The following PALMD variants were observed in gnomAD, a reference collection of about 807,000 sequenced individuals.
The protein encoded by PALMD is paralemmin-like protein.
In PALMD, 42 loss-of-function variants were observed where a neutral mutation model predicts 56.2. The ratio of observed to expected loss-of-function variants is 0.75; its 90% CI spans 0.58 to 0.97. The LOEUF is 0.97. Among genes scored for constraint, PALMD ranks in the 50% least tolerant of loss-of-function variants. PALMD has a pLI of 0.00. For missense variants in PALMD, 660 were observed against 643.8 expected (o/e 1.03, Z -0.27); for synonymous variants, 242 against 222.9 (o/e 1.09, Z -0.76).
At chr1:99,682,173 T>C (rs544839866) in intron 3 of PALMD, among the ~76,000 whole-genome samples, 10 of 152,334 alleles carry the variant, frequency 6.6e-5, no homozygotes, top group Admixed American at 5.2e-4. Flanking sequence ...ATATTGTCCA[T>C]AAATATTTGA....
At chr1:99,691,491 C>A (rs1328804160) in intron 7 of PALMD, among the ~76,000 whole-genome samples, 1 of 152,150 alleles carries the variant, frequency 6.6e-6, no homozygotes, top group East Asian at 1.9e-4. Flanking sequence ...ATCAAAGTAT[C>A]TTATAAACAG....
chr1:99,683,154 GAAAGAAAGAAAGAAAC>G (rs1557674120), intron 3 of PALMD: 36 of 130,500 alleles, frequency 2.8e-4, no homozygotes, highest in Middle Eastern at 4.5e-3. Flanking sequence ...AAGAAAGAAA[GAAAGAAAGAAAGAAAC>G]GAACACCCTA....
intron 5 of PALMD, 51 bp from the exon 6 acceptor site, chr1:99,687,025 C>T (rs1557675163): frequency 2.7e-6 from 4 of 1,508,288 alleles, no homozygotes; most frequent in Admixed American, 1.8e-5. Flanking sequence ...TGAAATTGTT[C>T]CCATTGTAAA....
Position 99,688,891 on chromosome 1 carries a change from G to A in PALMD, c.631G>A (p.Asp211Asn). The A allele has an allele frequency of 6.2e-7, 1 of 1,613,726 alleles. No homozygotes were observed. The highest frequency in any genetic ancestry group is 1.1e-5 in the South Asian group (1 of 91,072). ...DFKGTGIKVYDDGQKSVYAVS... is the reference protein window; with the variant it reads ...DFKGTGIKVYNDGQKSVYAVS... The stretch of plus-strand genomic sequence containing the variant: ...TAAAGGTACAGGAATAAAAGTTTAT[G>A]ATGATGGGCAAAAGTCAGTGTATGC... Residue 211 changes from aspartate to asparagine, a missense_variant, in exon 7 of 8, where the codon GAT (aspartate) becomes AAT (asparagine). Coordinates refer to ENST00000263174, the MANE Select transcript of PALMD (RefSeq NM_017734.5).
At position 99,689,416 on chromosome 1, in the gene PALMD, C is replaced by T; in HGVS notation, c.1156C>T (p.Pro386Ser). 6.2e-7 allele frequency: 1 copy of T among 1,613,750 alleles called. No homozygotes were observed. Among genetic ancestry groups the T allele is most frequent in the Non-Finnish European group, 8.5e-7 (1 of 1,179,830 alleles). ...GAAATCTGAACACCAGAATTCTTCACCCACTTGTCAGGAGGACGAGGAAGA... is the reference window on the plus strand; with the variant it reads ...GAAATCTGAACACCAGAATTCTTCATCCACTTGTCAGGAGGACGAGGAAGA... ...FGKSEHQNSS[P>S]TCQEDEEDVR... Residue 386 changes from proline to serine, a missense_variant, in exon 7 of 8, where the codon CCC (proline) becomes TCC (serine). Transcript: ENST00000263174.
intron 3 of PALMD, chr1:99,669,914 C>T (rs1653047805): frequency 6.6e-6 from 1 of 152,108 alleles, no homozygotes; most frequent in Admixed American, 6.6e-5. Flanking sequence ...TCTTCATAAC[C>T]CGGTGAGGGT....
chr1:99,690,198 C>A (rs1653624148), intron 7 of PALMD: 2 of 365,890 alleles, frequency 5.5e-6, no homozygotes, highest in Admixed American at 9.1e-5. Context: ...AATAACATAT[C>A]TTTTTCCACT....
intron 7 of PALMD, 177 bp downstream of exon 7, chr1:99,690,049 C>A (rs898768027): frequency 3.8e-6 from 2 of 528,960 alleles, no homozygotes; most frequent in Non-Finnish European, 6.5e-6. Context: ...TAAGTCACTT[C>A]AAAAGATAAA....
intron 2 of PALMD, among the ~76,000 whole-genome samples, chr1:99,663,272 T>G (rs1283023190): frequency 6.6e-6 from 1 of 152,176 alleles, no homozygotes; most frequent in Non-Finnish European, 1.5e-5. Context: ...CTGGATTCTG[T>G]TTGCTTCTTT....
chr1:99,683,371 T>C (rs534403809), intron 3 of PALMD: 1 of 152,354 alleles, frequency 6.6e-6, no homozygotes, highest in South Asian at 2.1e-4. Flanking sequence ...GTCTTCTCCA[T>C]ATCACACTTG....
chr1:99,682,880 C>T (rs1653373869), intron 3 of PALMD, among the ~76,000 whole-genome samples: 2 of 151,722 alleles, frequency 1.3e-5, no homozygotes, highest in Non-Finnish European at 1.5e-5. Context: ...GTGGTGCACT[C>T]CTGTAGTCCC....
intron 3 of PALMD, among the ~76,000 whole-genome samples, chr1:99,671,497 G>C (rs531340042): frequency 6.6e-5 from 10 of 152,134 alleles, no homozygotes; most frequent in Non-Finnish European, 1.3e-4. Flanking sequence ...TTAAATACTA[G>C]TCCTTACTAA....
rs374336429 is a variant in PALMD, at chr1:99,646,250, C to G, written c.-68C>G. On this transcript the variant is annotated 5_prime_UTR_variant, in exon 1 of 8. Transcript: ENST00000263174. ...CTTCTGTCACCCCCGCTCCTCTCCCCCAGGAGGCTCCTTGATTTATGGTAG... is the reference window on the plus strand; with the variant it reads ...CTTCTGTCACCCCCGCTCCTCTCCCGCAGGAGGCTCCTTGATTTATGGTAG... 8.1e-4 allele frequency: 1,036 copies of G among 1,280,994 alleles called. 15 individuals carry two copies. The highest frequency in any genetic ancestry group is 2.3e-4 in the Non-Finnish European group (199 of 876,416). 79.4% of individuals were successfully genotyped at this position (1,280,994 alleles called of 1,614,324 possible). A position where few individuals can be genotyped will look rare whatever the true frequency, so the allele number is the denominator to read the frequency against.
chr1:99,663,119 C>A (rs577620241), intron 2 of PALMD, among the ~76,000 whole-genome samples: 1 of 152,126 alleles, frequency 6.6e-6, no homozygotes, highest in Non-Finnish European at 1.5e-5. Context: ...TAATGAATCC[C>A]CTTAATGATA....
intron 2 of PALMD, among the ~76,000 whole-genome samples, chr1:99,665,259 T>C (rs1157996217): frequency 2.6e-5 from 4 of 152,168 alleles, no homozygotes; most frequent in Non-Finnish European, 5.9e-5. Flanking sequence ...CACCTGCATG[T>C]CACATATTTT....
At chr1:99,663,718 G>A (rs1418363004) in intron 2 of PALMD, among the ~76,000 whole-genome samples, 4 of 152,088 alleles carry the variant, frequency 2.6e-5, no homozygotes, top group Non-Finnish European at 5.9e-5. Flanking sequence ...CTTGCAGAAT[G>A]GGTAGCCACA....
chr1:99,688,773 A>G lies in PALMD; in HGVS notation c.515-2A>G. On this transcript the variant is annotated splice_acceptor_variant, in intron 6 of 7. Coordinates refer to ENST00000263174, the MANE Select transcript of PALMD (RefSeq NM_017734.5). LOFTEE classifies it high-confidence loss of function. ...TCAAAGATCAAATTTGTTTCTTAAC[A>G]GCTTTATATGCCATGGAAATTAAAG... 1.3e-6 allele frequency: 2 copies of G among 1,563,386 alleles called. No homozygotes were observed. The highest frequency in any genetic ancestry group is 1.7e-6 in the Non-Finnish European group (2 of 1,156,506).
chr1:99,666,237 A>G (rs1652956765), intron 2 of PALMD, among the ~76,000 whole-genome samples: 1 of 151,290 alleles, frequency 6.6e-6, no homozygotes. Flanking sequence ...TTATAATGTT[A>G]TATTGGTTTT....
At chr1:99,656,642 G>T (rs769271026) in intron 1 of PALMD, among the ~76,000 whole-genome samples, 1 of 152,110 alleles carries the variant, frequency 6.6e-6, no homozygotes, top group Non-Finnish European at 1.5e-5. Context: ...TTCTAGTCAA[G>T]TATATGATGG....
Sources: gnomAD v4.1 joint callset for allele counts (sites outside exome capture counted in the v4.1 genomes callset) on GRCh38, gnomAD v4.1.1 for gene constraint, MANE v1.5 for transcripts, NCBI Gene and HGNC (gene_info 2026-07-23, HGNC 2026-07-21) for gene names.